CADPS: variants seen among roughly 807,000 people sequenced by gnomAD.
The protein encoded by CADPS is calcium dependent secretion activator.
A neutral mutation model predicts 167.3 loss-of-function variants in CADPS; 57 were observed. That is an observed-to-expected ratio of 0.34 (90% confidence interval 0.28 to 0.42). The LOEUF (loss-of-function observed/expected upper bound fraction) is 0.42, where lower values mean the gene tolerates loss of function less well. CADPS is among the 20% of genes least tolerant of loss of function. The pLI is 1.00. For missense variants in CADPS, 1,414 were observed against 1,738.1 expected, an observed-to-expected ratio of 0.81 and a Z score of 3.32; for synonymous variants, 676 against 635.3, an observed-to-expected ratio of 1.06 and a Z score of -0.96.
intron 5 of CADPS, among the ~76,000 whole-genome samples, chr3:62,646,463 C>T (rs771729369): frequency 6.6e-5 from 10 of 152,146 alleles, no homozygotes; most frequent in South Asian, 4.1e-4. Context: ...TGAGCCACCA[C>T]GCGCGGCCAG....
chr3:62,723,449 T>C (rs574426823), intron 3 of CADPS, among the ~76,000 whole-genome samples: 32 of 152,208 alleles, frequency 2.1e-4, no homozygotes, highest in African/African-American at 7.0e-4. Flanking sequence ...TAAGAGGGCA[T>C]GTGGGGCTCA....
chr3:62,864,827 A>G (rs576466349), intron 1 of CADPS, among the ~76,000 whole-genome samples: 4 of 152,266 alleles, frequency 2.6e-5, no homozygotes, highest in Admixed American at 1.3e-4. Context: ...AATATTTACA[A>G]TTCAGACACT....
intron 3 of CADPS, among the ~76,000 whole-genome samples, chr3:62,751,021 G>T (rs1037161241): frequency 6.6e-6 from 1 of 152,068 alleles, no homozygotes; most frequent in African/African-American, 2.4e-5. Context: ...ATTCCTAAAG[G>T]TAGAGCTCCT....
chr3:62,547,857 G>C (rs186886721), intron 11 of CADPS, among the ~76,000 whole-genome samples: 1 of 151,930 alleles, frequency 6.6e-6, no homozygotes, highest in East Asian at 1.9e-4. Context: ...TTTTTTAATC[G>C]ATTTCTTGTC....
intron 6 of CADPS, among the ~76,000 whole-genome samples, chr3:62,610,384 G>A (rs887089598): frequency 2.0e-4 from 30 of 152,118 alleles, no homozygotes; most frequent in African/African-American, 4.8e-4. Context: ...CCCAGTAGCT[G>A]GGATTACAGG....
At chr3:62,788,001 TC>T (rs1398523863) in intron 1 of CADPS, among the ~76,000 whole-genome samples, 1 of 152,158 alleles carries the variant, frequency 6.6e-6, no homozygotes, top group Non-Finnish European at 1.5e-5. Context: ...TAAGTAATCT[TC>T]AATGTGTCTT....
chr3:62,443,313 CTTGG>C (rs2056670373), intron 27 of CADPS, among the ~76,000 whole-genome samples: 2 of 152,158 alleles, frequency 1.3e-5, no homozygotes, highest in Admixed American at 6.5e-5. Flanking sequence ...CTTTATAACG[CTTGG>C]TTGTAGTAGC....
intron 3 of CADPS, among the ~76,000 whole-genome samples, chr3:62,676,418 A>T (rs1027612385): frequency 6.6e-6 from 1 of 152,176 alleles, no homozygotes; most frequent in Non-Finnish European, 1.5e-5. Context: ...TTGAAAAATT[A>T]TCTATGCTTT....
chr3:62,841,080 G>T (rs541812272), intron 1 of CADPS, among the ~76,000 whole-genome samples: 5 of 152,282 alleles, frequency 3.3e-5, no homozygotes, highest in South Asian at 2.1e-4. Context: ...TCCAGGCAGA[G>T]ATTCCTAAAT....
At chr3:62,682,786 G>T (rs1262567675) in intron 3 of CADPS, among the ~76,000 whole-genome samples, 2 of 151,970 alleles carry the variant, frequency 1.3e-5, no homozygotes, top group Admixed American at 6.6e-5. Flanking sequence ...AGAGTATAAA[G>T]AAACTGTTTT....
chr3:62,531,222 TTCTCTC>T (rs10587853), intron 13 of CADPS, among the ~76,000 whole-genome samples: 120 of 150,738 alleles, frequency 8.0e-4, no homozygotes, highest in African/African-American at 2.1e-3. Context: ...ATAATGCAAC[TTCTCTC>T]TCTCTCTCTC....
chr3:62,560,247 T>C (rs1325364917), intron 9 of CADPS, among the ~76,000 whole-genome samples: 3 of 152,216 alleles, frequency 2.0e-5, no homozygotes, highest in African/African-American at 7.2e-5. Flanking sequence ...TATAGACTGA[T>C]TGAATGGTGG....
intron 1 of CADPS, among the ~76,000 whole-genome samples, chr3:62,826,279 C>A (rs1219641244): frequency 2.6e-5 from 4 of 152,094 alleles, no homozygotes; most frequent in South Asian, 2.1e-4. Context: ...GGGTTTGTTT[C>A]AGTAGAGATC....
At chr3:62,634,945 T>C (rs2065984818) in intron 6 of CADPS, among the ~76,000 whole-genome samples, 1 of 152,182 alleles carries the variant, frequency 6.6e-6, no homozygotes, top group South Asian at 2.1e-4. Context: ...GCCAATAGCA[T>C]CTTATGCACT....
intron 16 of CADPS, among the ~76,000 whole-genome samples, chr3:62,513,311 A>G (rs1298588728): frequency 6.6e-6 from 1 of 152,064 alleles, no homozygotes; most frequent in Non-Finnish European, 1.5e-5. Context: ...CTACCTTTTG[A>G]TTGTGTACCA....
chr3:62,846,571 G>A (rs918081838), intron 1 of CADPS, among the ~76,000 whole-genome samples: 12 of 152,176 alleles, frequency 7.9e-5, no homozygotes, highest in East Asian at 3.9e-4. Flanking sequence ...ATTCTTTCCC[G>A]TGATTAATCA....
chr3:62,693,037 GCCA>G (rs2079495005), intron 3 of CADPS, among the ~76,000 whole-genome samples: 3 of 151,126 alleles, frequency 2.0e-5, no homozygotes, highest in South Asian at 2.1e-4. Context: ...CAATTTCTTG[GCCA>G]TCAAGTTTTT....
chr3:62,611,370 C>T (rs2061481036), intron 6 of CADPS, among the ~76,000 whole-genome samples: 1 of 152,220 alleles, frequency 6.6e-6, no homozygotes, highest in Admixed American at 6.5e-5. Context: ...CACTTACACT[C>T]ATTCCACCCT....
intron 1 of CADPS, among the ~76,000 whole-genome samples, chr3:62,795,941 G>A (rs1473639391): frequency 6.6e-6 from 1 of 152,188 alleles, no homozygotes; most frequent in African/African-American, 2.4e-5. Flanking sequence ...AAATCATGAT[G>A]GTGGGGACAC....
Sources: allele counts gnomAD v4.1 joint callset (sites outside exome capture counted in the v4.1 genomes callset), GRCh38; gene constraint gnomAD v4.1.1; transcripts MANE v1.5; gene names NCBI Gene and HGNC (gene_info 2026-07-23, HGNC 2026-07-21).